BRCA1: variants seen among roughly 807,000 people sequenced by gnomAD.
The protein encoded by BRCA1 is breast cancer type 1 susceptibility protein.
In BRCA1, 140 loss-of-function variants were observed where a neutral mutation model predicts 173.7. The observed-to-expected ratio is 0.81, with a 90% confidence interval of 0.70 to 0.93. The LOEUF (loss-of-function observed/expected upper bound fraction) is 0.93, where lower values mean the gene tolerates loss of function less well. Ranked by LOEUF, BRCA1 falls within the 40% of genes least tolerant of loss-of-function variation. The probability of loss-of-function intolerance (pLI) is 0.00; values close to 1 mark genes in which losing one functional copy is unlikely to be tolerated. For missense variants in BRCA1, 1,983 were observed against 2,172.5 expected, an observed-to-expected ratio of 0.91 and a Z score of 1.73; for synonymous variants, 662 against 756.0, an observed-to-expected ratio of 0.88 and a Z score of 2.04.
At chr17:43,073,228 T>C (rs918311262) in intron 14 of BRCA1, among the ~76,000 whole-genome samples, 3 of 152,004 alleles carry the variant, frequency 2.0e-5, no homozygotes, top group African/African-American at 4.8e-5. Context: ...AATGAGCTTA[T>C]AGCAATTTTG....
At chr17:43,155,513 G>A (rs2056191246) in intron 1 of BRCA1, among the ~76,000 whole-genome samples, 1 of 152,036 alleles carries the variant, frequency 6.6e-6, no homozygotes. Context: ...TTACAAGTGT[G>A]AGCTACTATG....
At chr17:43,101,957 A>G (rs1367148410) in intron 6 of BRCA1, among the ~76,000 whole-genome samples, 1 of 152,082 alleles carries the variant, frequency 6.6e-6, no homozygotes, top group Non-Finnish European at 1.5e-5. Flanking sequence ...GCTGGAGTCC[A>G]GTGGCACAGT....
At chr17:43,126,892 G>T (rs1480895505), upstream of BRCA1, among the ~76,000 whole-genome samples, 1 of 152,110 alleles carries the variant, frequency 6.6e-6, no homozygotes, top group Non-Finnish European at 1.5e-5. Flanking sequence ...CAGCCAGCGC[G>T]AGTTCCAGGT....
intron 18 of BRCA1, among the ~76,000 whole-genome samples, chr17:43,060,413 CCT>C (rs2153478992): frequency 6.6e-6 from 1 of 152,072 alleles, no homozygotes; most frequent in South Asian, 2.1e-4. Context: ...GTCTCAAACT[CCT>C]GACCTCAGGG....
rs777916645 is a variant in BRCA1, at chr17:43,094,003, A to T, written c.1528T>A (p.Ser510Thr). 2 of 1,613,924 alleles carry T rather than the reference A, an allele frequency of 1.2e-6. No homozygotes were observed. The highest frequency in any genetic ancestry group is 2.2e-5 in the South Asian group (2 of 91,048). The change falls in exon 10 of 23, where the codon TCA becomes ACA. Residue 510 changes from serine to threonine, a missense_variant. Coordinates refer to ENST00000357654, the MANE Select transcript of BRCA1 (RefSeq NM_007294.4). ...ATAAAATCCTCAGGATGAAGGCCTG[A>T]TGTAGGTCTCCTTTTACGCTTTAAT... Reference protein sequence around the residue: ...NKLKRKRRPTSGLHPEDFIKK... With the variant: ...NKLKRKRRPTTGLHPEDFIKK...
chr17:43,050,121 C>T (rs1312286338), intron 20 of BRCA1: 1 of 398,496 alleles, frequency 2.5e-6, no homozygotes, highest in African/African-American at 2.1e-5. Context: ...TAAGGCCTTT[C>T]TCTAAGGTGT....
rs1555593177 is a variant in BRCA1, at chr17:43,094,773, G to A, written c.758C>T (p.Ala253Val). ...NNDLNTTEKRAAERHPEKYQG... is the reference protein window; with the variant it reads ...NNDLNTTEKRVAERHPEKYQG... The stretch of plus-strand genomic sequence containing the variant: ...ATACTTTTCTGGATGCCTCTCAGCT[G>A]CACGCTTCTCAGTGGTGTTCAAATC... The change falls in exon 10 of 23, where the codon GCA (alanine) becomes GTA (valine). Residue 253 changes from alanine to valine, a missense_variant. By Grantham distance (64) the Ala-to-Val change is moderately conservative. Transcript: ENST00000357654. 6.2e-7 allele frequency: 1 copy of A among 1,611,952 alleles called. No homozygotes were observed. Among genetic ancestry groups the A allele is most frequent in the Non-Finnish European group, 8.5e-7 (1 of 1,179,026 alleles).
intron 20 of BRCA1, among the ~76,000 whole-genome samples, chr17:43,050,556 T>G (rs376168245): frequency 4.8e-4 from 71 of 149,048 alleles, no homozygotes; most frequent in African/African-American, 1.6e-3. Context: ...GAGGTTGCAG[T>G]GAGCCGAGAT....
chr17:43,067,347 C>G, intron 16 of BRCA1: 1 of 371,648 alleles, frequency 2.7e-6, no homozygotes, highest in Non-Finnish European at 5.1e-6. Flanking sequence ...CTCCATCTCC[C>G]CGGTTCAAGT....
chr17:43,082,568 T>C lies in BRCA1; in HGVS notation c.4193A>G (p.Asp1398Gly), dbSNP rs761640584. The C allele has an allele frequency of 1.2e-6, 2 of 1,614,100 alleles. No homozygotes were observed. The highest frequency in any genetic ancestry group is 1.7e-6 in the Non-Finnish European group (2 of 1,180,020). ...CTTTATCAGGTTATGTTGCATGGTATCCCTCTGCTTCAAAAACGATAAATG... is the reference window on the plus strand; with the variant it reads ...CTTTATCAGGTTATGTTGCATGGTACCCCTCTGCTTCAAAAACGATAAATG... The part of the protein sequence containing the change: ...QSDILTTQQR[D>G]TMQHNLIKLQ... The change falls in exon 12 of 23, where the codon GAT becomes GGT. Residue 1398 changes from aspartate to glycine, a missense_variant. Transcript: ENST00000357654.
At chr17:43,167,899 G>A (rs569654158) in intron 1 of BRCA1, 33 of 159,466 alleles carry the variant, frequency 2.1e-4, no homozygotes, top group Non-Finnish European at 3.7e-4. Context: ...TCCTGCCCCA[G>A]TGCAGAACCA....
intron 1 of BRCA1, chr17:43,162,297 A>T (rs2056241357): frequency 6.6e-6 from 1 of 152,218 alleles, no homozygotes; most frequent in Non-Finnish European, 1.5e-5. Context: ...TTTTCTAATT[A>T]AGAGAACCAC....
intron 11 of BRCA1, among the ~76,000 whole-genome samples, chr17:43,084,628 T>C (rs561985161): frequency 8.6e-4 from 131 of 152,346 alleles, no homozygotes; most frequent in African/African-American, 2.9e-3. Flanking sequence ...ATCTTCTTTC[T>C]CCTGCTACAC....
At chr17:43,169,913 G>GT in intron 1 of BRCA1, 1 of 439,374 alleles carries the variant, frequency 2.3e-6, no homozygotes, top group South Asian at 1.8e-5. Context: ...GGCTCCCAAT[G>GT]TTGACGTTGG....
Position 43,093,489 on chromosome 17 carries a change from CTCT to C in BRCA1, c.2039_2041del (p.Lys680del), listed in dbSNP as rs1597872534. The C allele has an allele frequency of 6.2e-7, 1 of 1,614,092 alleles. No homozygotes were observed. The highest frequency in any genetic ancestry group is 8.5e-7 in the Non-Finnish European group (1 of 1,180,012). Reference sequence around the variant, plus strand: ...ACTTGTCTGTTCATTTGGCTTGTTACTCTTCTTGGCTCCAGTTGCAGGTTCTTT... The same window carrying C: ...ACTTGTCTGTTCATTTGGCTTGTTACTCTTGGCTCCAGTTGCAGGTTCTTT... On this transcript the variant is annotated inframe_deletion, in exon 10 of 23. Transcript: ENST00000357654.
In BRCA1 at chr17:43,105,053, G is replaced by A. The variant is rs1181970533; in HGVS notation, c.213-97C>T. Reference sequence around the variant, plus strand: ...AAGACATGTAAACAAATAAAAATAAGATGCAGCAACAGTAGAAAACCTCTA... The same window carrying A: ...AAGACATGTAAACAAATAAAAATAAAATGCAGCAACAGTAGAAAACCTCTA... On this transcript the variant is annotated intron_variant, in intron 4 of 22. Transcript: ENST00000357654. 4 of 997,306 alleles carry A rather than the reference G, an allele frequency of 4.0e-6. No homozygotes were observed. In the African/African-American group the frequency reaches 4.8e-5, roughly 12 times the overall value. 61.8% of individuals were successfully genotyped at this position (997,306 alleles called of 1,614,324 possible).
intron 21 of BRCA1, 149 bp downstream of exon 21, chr17:43,048,972 T>A (rs550000982): frequency 5.3e-5 from 40 of 748,100 alleles, no homozygotes; most frequent in Admixed American, 1.0e-4. Flanking sequence ...TACCCATCCC[T>A]TACAGATGGA....
Position 43,100,687 on chromosome 17 carries a change from A to AT in BRCA1, c.442-808dup, listed in dbSNP as rs1597891162. 7.2e-5 allele frequency among the ~76,000 whole-genome samples: 6 copies of AT among 83,248 alleles called. No homozygotes were observed. In the East Asian group the frequency reaches 1.7e-3, roughly 23 times the overall value. The allele number at this position is 83,248 out of a possible 152,430, so 54.6% of individuals were successfully genotyped here. A position where few individuals can be genotyped will look rare whatever the true frequency, so the allele number is the denominator to read the frequency against. ...ATATATATATATATATAATATATAT[A>AT]TATATATATATATATGTAATCCCAG... On this transcript the variant is annotated intron_variant, in intron 6 of 22. Transcript: ENST00000357654.
intron 1 of BRCA1, among the ~76,000 whole-genome samples, chr17:43,133,381 A>G (rs1199170211): frequency 2.0e-5 from 3 of 152,138 alleles, no homozygotes; most frequent in African/African-American, 4.8e-5. Flanking sequence ...CTTGGATCTC[A>G]TCGTAGAGTG....
Sources: allele counts gnomAD v4.1 joint callset (sites outside exome capture counted in the v4.1 genomes callset), GRCh38; gene constraint gnomAD v4.1.1; transcripts MANE v1.5; gene names NCBI Gene and HGNC (gene_info 2026-07-23, HGNC 2026-07-21).